The following TUSC3 variants were observed in gnomAD, a reference collection of about 807,000 sequenced individuals.
The protein encoded by TUSC3 is tumor suppressor candidate 3.
Under a neutral mutation model 44.8 loss-of-function variants are expected in TUSC3, and 45 were observed. The observed-to-expected ratio is 1.00, with a 90% confidence interval of 0.79 to 1.29. The LOEUF (loss-of-function observed/expected upper bound fraction) is 1.29. TUSC3 is among the 50% of genes most tolerant of loss of function. The pLI is 0.00. For missense variants in TUSC3, 519 were observed against 437.9 expected, an observed-to-expected ratio of 1.19 and a Z score of -1.65; for synonymous variants, 212 against 152.9, an observed-to-expected ratio of 1.39 and a Z score of -2.85.
intron 1 of TUSC3, among the ~76,000 whole-genome samples, chr8:15,559,420 C>T (rs1585100268): frequency 1.3e-5 from 2 of 148,226 alleles, no homozygotes; most frequent in African/African-American, 2.5e-5. Context: ...GCTTTACTTC[C>T]AAGTATGTGG....
chr8:15,520,442 G>A (rs1801282448), intron 2 of TUSC3, among the ~76,000 whole-genome samples: 1 of 151,998 alleles, frequency 6.6e-6, no homozygotes, highest in Non-Finnish European at 1.5e-5. Flanking sequence ...CTTAGTCCAG[G>A]GCTTAACAGG....
At chr8:15,706,083 C>A (rs961757646) in intron 6 of TUSC3, among the ~76,000 whole-genome samples, 1 of 151,962 alleles carries the variant, frequency 6.6e-6, no homozygotes, top group Non-Finnish European at 1.5e-5. Context: ...CCTAATTAAA[C>A]CAGATTGTAA....
At chr8:15,836,974 TTAA>T in the TUSC3 span, among the ~76,000 whole-genome samples, 1 of 151,934 alleles carries the variant, frequency 6.6e-6, no homozygotes, top group African/African-American at 2.4e-5. Context: ...CACACTGAAT[TTAA>T]TAATAACTAG....
chr8:15,641,699 G>T (rs1450987292), intron 2 of TUSC3, among the ~76,000 whole-genome samples: 3 of 152,126 alleles, frequency 2.0e-5, no homozygotes, highest in Non-Finnish European at 4.4e-5. Flanking sequence ...GCTTTCTCAA[G>T]TTTATACATT....
intron 2 of TUSC3, among the ~76,000 whole-genome samples, chr8:15,489,795 T>C (rs943222872): frequency 1.3e-5 from 2 of 152,178 alleles, no homozygotes; most frequent in South Asian, 2.1e-4. Context: ...TGGCCTAAAA[T>C]AGTTTTTCAG....
chr8:15,555,243 G>C (rs1221880363), intron 1 of TUSC3, among the ~76,000 whole-genome samples: 1 of 118,204 alleles, frequency 8.5e-6, no homozygotes, highest in Non-Finnish European at 1.6e-5. Context: ...CTGCCTCCTT[G>C]GCCCTTGGTT....
chr8:15,684,249 C>T (rs1808534789), intron 6 of TUSC3, among the ~76,000 whole-genome samples: 1 of 152,092 alleles, frequency 6.6e-6, no homozygotes, highest in Non-Finnish European at 1.5e-5. Flanking sequence ...TTCTGCCTCC[C>T]ATAGAGCAGT....
chr8:15,722,913 T>C (rs780962129), intron 6 of TUSC3, among the ~76,000 whole-genome samples: 1 of 152,126 alleles, frequency 6.6e-6, no homozygotes, highest in Non-Finnish European at 1.5e-5. Context: ...TACACATTGC[T>C]CCTTCCCATA....
intron 6 of TUSC3, among the ~76,000 whole-genome samples, chr8:15,704,812 C>T (rs535578358): frequency 4.9e-4 from 75 of 151,938 alleles, no homozygotes; most frequent in Admixed American, 1.1e-3. Context: ...TAGGAAGGAT[C>T]GTTACTTCTT....
chr8:15,582,199 C>A (rs1241671948), intron 1 of TUSC3, among the ~76,000 whole-genome samples: 2 of 152,182 alleles, frequency 1.3e-5, no homozygotes, highest in Non-Finnish European at 2.9e-5. Context: ...CTGGCCTGCG[C>A]CCACTGTCTG....
chr8:15,703,134 G>A (rs1184127599), intron 6 of TUSC3, among the ~76,000 whole-genome samples: 5 of 152,186 alleles, frequency 3.3e-5, no homozygotes, highest in Non-Finnish European at 7.4e-5. Flanking sequence ...TAGTTGCATA[G>A]CTTGCTATTA....
At chr8:15,462,741 T>G (rs1800361718) in intron 1 of TUSC3, among the ~76,000 whole-genome samples, 1 of 152,100 alleles carries the variant, frequency 6.6e-6, no homozygotes, top group South Asian at 2.1e-4. Context: ...GTCTGACAAT[T>G]TACTTTTGCA....
chr8:15,817,486 T>A, the TUSC3 span, among the ~76,000 whole-genome samples: 1 of 152,106 alleles, frequency 6.6e-6, no homozygotes, highest in Non-Finnish European at 1.5e-5. Context: ...GTAATCCCCA[T>A]GTGTTGTGGA....
chr8:15,613,095 TTA>T (rs1804832690), intron 1 of TUSC3, among the ~76,000 whole-genome samples: 1 of 149,084 alleles, frequency 6.7e-6, no homozygotes, highest in Non-Finnish European at 1.5e-5. Context: ...TATATGTATT[TTA>T]TATGTGTTTG....
intron 1 of TUSC3, chr8:15,561,512 T>C (rs1208828397): frequency 6.7e-6 from 1 of 148,740 alleles, no homozygotes; most frequent in African/African-American, 2.5e-5. Flanking sequence ...CAGGCCTCCT[T>C]GAGCTGTGGT....
At chr8:15,588,148 C>G (rs1012632868) in intron 1 of TUSC3, among the ~76,000 whole-genome samples, 1 of 152,008 alleles carries the variant, frequency 6.6e-6, no homozygotes, top group Non-Finnish European at 1.5e-5. Context: ...ATGCTGTTAA[C>G]CATAATGGGG....
intron 2 of TUSC3, among the ~76,000 whole-genome samples, chr8:15,627,722 G>A (rs1241082283): frequency 1.3e-5 from 2 of 152,240 alleles, no homozygotes; most frequent in Admixed American, 6.5e-5. Flanking sequence ...CAGCCTCACA[G>A]GGAGCTGGTG....
intron 1 of TUSC3, among the ~76,000 whole-genome samples, chr8:15,548,880 C>T (rs1801962054): frequency 1.3e-5 from 2 of 151,840 alleles, no homozygotes; most frequent in South Asian, 2.1e-4. Context: ...GTACATGTAG[C>T]CCTCCCTGAT....
the TUSC3 span, among the ~76,000 whole-genome samples, chr8:15,829,657 T>G: frequency 2.6e-5 from 4 of 152,246 alleles, no homozygotes; most frequent in East Asian, 5.8e-4. Context: ...CTGAGTTTTG[T>G]GTCATATTTA....
Sources: allele counts gnomAD v4.1 joint callset (sites outside exome capture counted in the v4.1 genomes callset), GRCh38; gene constraint gnomAD v4.1.1; transcripts MANE v1.5; gene names NCBI Gene and HGNC (gene_info 2026-07-23, HGNC 2026-07-21).